Variants in TBC1D1 observed in about 807,000 individuals in gnomAD.
TBC1D1 encodes the protein TBC1 (tre-2/USP6, BUB2, cdc16) domain family, member 1.
A neutral mutation model predicts 125.6 loss-of-function variants in TBC1D1; 89 were observed. That is an observed-to-expected ratio of 0.71 (90% confidence interval 0.60 to 0.85). The LOEUF (loss-of-function observed/expected upper bound fraction) is 0.85. TBC1D1 is among the 40% of genes least tolerant of loss of function. TBC1D1 has a pLI of 0.00. For missense variants in TBC1D1, 1,377 were observed against 1,469.2 expected (o/e 0.94, Z 1.03); for synonymous variants, 565 against 564.1 (o/e 1.00, Z -0.02).
chr4:38,064,537 A>G (rs1190036863), intron 12 of TBC1D1, among the ~76,000 whole-genome samples: 1 of 152,074 alleles, frequency 6.6e-6, no homozygotes. Context: ...GGGGGAAGCC[A>G]AGTCTCCATG....
intron 2 of TBC1D1, among the ~76,000 whole-genome samples, chr4:37,928,297 A>G (rs1453567320): frequency 6.6e-6 from 1 of 152,264 alleles, no homozygotes; most frequent in Admixed American, 6.5e-5. Flanking sequence ...TACTTCTTCA[A>G]TGCTTCAACC....
intron 12 of TBC1D1, among the ~76,000 whole-genome samples, chr4:38,067,113 G>A (rs1038222553): frequency 2.0e-5 from 3 of 152,012 alleles, no homozygotes; most frequent in African/African-American, 7.3e-5. Context: ...TTGACTTTGT[G>A]ATCTGCCCGC....
At chr4:38,079,781 T>C (rs1378185145) in intron 12 of TBC1D1, among the ~76,000 whole-genome samples, 2 of 152,120 alleles carry the variant, frequency 1.3e-5, no homozygotes, top group African/African-American at 4.8e-5. Flanking sequence ...AATGGTCAGG[T>C]CATCCATCCA....
chr4:38,102,495 G>C (rs529700722), intron 14 of TBC1D1, among the ~76,000 whole-genome samples: 1 of 152,198 alleles, frequency 6.6e-6, no homozygotes, highest in Admixed American at 6.5e-5. Flanking sequence ...GGCCAGGGAA[G>C]TGAGGGGAGA....
chr4:37,971,311 G>T (rs556430766), intron 2 of TBC1D1, among the ~76,000 whole-genome samples: 9 of 152,142 alleles, frequency 5.9e-5, no homozygotes, highest in Admixed American at 5.9e-4. Context: ...AAAGGAAAGC[G>T]GTTTATTGAC....
chr4:38,019,833 ACT>A (rs1447986783), intron 4 of TBC1D1, among the ~76,000 whole-genome samples: 1 of 151,910 alleles, frequency 6.6e-6, no homozygotes, highest in Admixed American at 6.6e-5. Context: ...GTAATTTTTG[ACT>A]CTTTCTTTAT....
rs200741697 is a variant in TBC1D1, at chr4:38,095,906, C to T, written c.2237-23C>T. On this transcript the variant is annotated intron_variant, in intron 13 of 19. Coordinates refer to ENST00000261439, the MANE Select transcript of TBC1D1 (RefSeq NM_015173.4). ...TCCATAGCTGTAGCCTTTACTAATG[C>T]GCTCTGGAATGGTCTATTCCAGCCT... 2,018 of 1,589,690 alleles carry T rather than the reference C, an allele frequency of 1.3e-3. 5 individuals are homozygous for T. The highest frequency in any genetic ancestry group is 1.6e-3 in the Non-Finnish European group (1,915 of 1,169,350).
At chr4:37,947,665 C>T (rs552323721) in intron 2 of TBC1D1, among the ~76,000 whole-genome samples, 1 of 152,188 alleles carries the variant, frequency 6.6e-6, no homozygotes, top group East Asian at 1.9e-4. Flanking sequence ...CACTATGTTG[C>T]CCAGGCATAA....
At chr4:38,053,732 A>T (rs1751156721) in intron 11 of TBC1D1, among the ~76,000 whole-genome samples, 1 of 152,230 alleles carries the variant, frequency 6.6e-6, no homozygotes, top group South Asian at 2.1e-4. Context: ...CTGCATAGTT[A>T]TTGCCTTGCT....
At chr4:38,090,683 C>A (rs1398082154) in intron 13 of TBC1D1, among the ~76,000 whole-genome samples, 1 of 152,152 alleles carries the variant, frequency 6.6e-6, no homozygotes, top group African/African-American at 2.4e-5. Context: ...GACACTGGAA[C>A]CAATTAATGT....
intron 19 of TBC1D1, among the ~76,000 whole-genome samples, chr4:38,136,025 A>G (rs988536636): frequency 3.3e-5 from 5 of 151,942 alleles, no homozygotes; most frequent in African/African-American, 1.2e-4. Context: ...GATTAGTGAG[A>G]TAGACCAAGT....
intron 12 of TBC1D1, among the ~76,000 whole-genome samples, chr4:38,072,286 G>A (rs1754834712): frequency 6.6e-6 from 1 of 152,310 alleles, no homozygotes; most frequent in East Asian, 1.9e-4. Context: ...ACCTTTGGGA[G>A]GATATCCTTG....
chr4:38,044,463 A>T lies in TBC1D1; in HGVS notation c.1515A>T (p.Thr505=). The change falls in exon 9 of 20, where the codon ACA becomes ACT. Residue 505 remains threonine, a synonymous_variant. Coordinates refer to ENST00000261439, the MANE Select transcript of TBC1D1 (RefSeq NM_015173.4). ...AAAACAAAGCAAAGAGATCTTTAAC[A>T]GAGTCTTTAGAAAGTATTTTGTCCC... 1 of 1,612,832 alleles carries T rather than the reference A, an allele frequency of 6.2e-7. No homozygotes were observed. Among genetic ancestry groups the T allele is most frequent in the Non-Finnish European group, 8.5e-7 (1 of 1,179,756 alleles).
At chr4:37,942,610 C>T (rs1725803131) in intron 2 of TBC1D1, among the ~76,000 whole-genome samples, 1 of 152,188 alleles carries the variant, frequency 6.6e-6, no homozygotes, top group Non-Finnish European at 1.5e-5. Flanking sequence ...ACGATCTCGG[C>T]TCACTGCAAG....
At chr4:38,000,826 A>T (rs1178072449) in intron 2 of TBC1D1, among the ~76,000 whole-genome samples, 1 of 152,162 alleles carries the variant, frequency 6.6e-6, no homozygotes, top group Non-Finnish European at 1.5e-5. Flanking sequence ...ACCTGCTATA[A>T]ATCAAGTTCC....
chr4:38,007,094 AAG>A (rs1740444420), intron 2 of TBC1D1: 1 of 275,968 alleles, frequency 3.6e-6, no homozygotes, highest in Non-Finnish European at 7.6e-6. Context: ...CATATTCTGA[AAG>A]AGAAGACATT....
chr4:37,972,253 G>A (rs532444838), intron 2 of TBC1D1, among the ~76,000 whole-genome samples: 18 of 152,038 alleles, frequency 1.2e-4, no homozygotes, highest in African/African-American at 4.1e-4. Context: ...AGGCTGAGGC[G>A]GGTGGATCAC....
At chr4:37,951,864 T>A in intron 2 of TBC1D1, 2 of 646,968 alleles carry the variant, frequency 3.1e-6, no homozygotes, top group Non-Finnish European at 5.7e-6. Context: ...CAGATACAAT[T>A]TTTAGCTATT....
chr4:38,002,838 G>T (rs533495567), intron 2 of TBC1D1, among the ~76,000 whole-genome samples: 1 of 152,186 alleles, frequency 6.6e-6, no homozygotes, highest in Non-Finnish European at 1.5e-5. Context: ...AACCAAAATG[G>T]AGTCACTTAT....
Sources: allele counts gnomAD v4.1 joint callset (sites outside exome capture counted in the v4.1 genomes callset), GRCh38; gene constraint gnomAD v4.1.1; transcripts MANE v1.5; gene names NCBI Gene and HGNC (gene_info 2026-07-23, HGNC 2026-07-21).